The following SUGCT variants were observed in gnomAD, a reference collection of about 807,000 sequenced individuals.
SUGCT encodes the protein succinyl-CoA:glutarate-CoA transferase.
Under a neutral mutation model 55.0 loss-of-function variants are expected in SUGCT, and 41 were observed. The observed-to-expected ratio is 0.74, with a 90% confidence interval of 0.58 to 0.97. The LOEUF is 0.97. Among genes scored for constraint, SUGCT ranks in the 50% least tolerant of loss-of-function variants. The probability of loss-of-function intolerance (pLI) is 0.00; values close to 1 mark genes in which losing one functional copy is unlikely to be tolerated. For missense variants in SUGCT, 568 were observed against 547.8 expected (o/e 1.04, Z -0.37); for synonymous variants, 187 against 200.4 (o/e 0.93, Z 0.56).
chr7:40,721,795 C>T (rs568901135), intron 12 of SUGCT, among the ~76,000 whole-genome samples: 2 of 152,182 alleles, frequency 1.3e-5, no homozygotes, highest in Non-Finnish European at 2.9e-5. Flanking sequence ...AAAGTTTCTT[C>T]TATCTCTGTT....
At chr7:40,596,513 AC>A (rs977796272) in intron 12 of SUGCT, among the ~76,000 whole-genome samples, 1 of 152,180 alleles carries the variant, frequency 6.6e-6, no homozygotes, top group African/African-American at 2.4e-5. Flanking sequence ...CAAGTTGAAT[AC>A]CTAGGAAGTC....
chr7:40,237,625 G>A lies in SUGCT; in HGVS notation c.485-10G>A, dbSNP rs1789099992. On this transcript the variant is annotated splice_polypyrimidine_tract_variant and intron_variant, in intron 6 of 13. Transcript: ENST00000335693. ...TGTGGTGCTGAATATGTTTATTTTT[G>A]TTGTTTTAGGGTATGGTCAGACAGG... 1 of 1,611,996 alleles carries A rather than the reference G, an allele frequency of 6.2e-7. No individual in the cohort carries two copies. The highest frequency in any genetic ancestry group is 8.5e-7 in the Non-Finnish European group (1 of 1,178,194).
intron 1 of SUGCT, among the ~76,000 whole-genome samples, chr7:40,158,997 C>T (rs1175047547): frequency 1.3e-5 from 2 of 152,176 alleles, no homozygotes; most frequent in Non-Finnish European, 2.9e-5. Flanking sequence ...CTCATTGCAG[C>T]CTTGACCTCA....
At chr7:41,023,434 C>A in the SUGCT span, among the ~76,000 whole-genome samples, 1 of 151,528 alleles carries the variant, frequency 6.6e-6, no homozygotes, top group East Asian at 1.9e-4. Context: ...GACAAAATAA[C>A]CTTCAGGACA....
chr7:40,481,154 A>G (rs1395838363), intron 11 of SUGCT, among the ~76,000 whole-genome samples: 2 of 152,112 alleles, frequency 1.3e-5, no homozygotes, highest in African/African-American at 4.8e-5. Flanking sequence ...CCTAGGCAAC[A>G]TGACAAAACT....
intron 12 of SUGCT, among the ~76,000 whole-genome samples, chr7:40,628,814 C>T (rs1799647069): frequency 6.6e-6 from 1 of 152,006 alleles, no homozygotes; most frequent in Non-Finnish European, 1.5e-5. Flanking sequence ...AATCTCAGCT[C>T]ACTGCAACCT....
rs183680998 is a variant in SUGCT, at chr7:40,422,426, G to A, written c.817-26861G>A. Among the ~76,000 whole-genome samples, 3 of 152,158 alleles carry A rather than the reference G, an allele frequency of 2.0e-5. No homozygotes were observed. In the East Asian group the frequency reaches 5.8e-4, roughly 29 times the overall value. The stretch of plus-strand genomic sequence containing the variant: ...ATCTTGTATAAAAATTTTCTTGGTC[G>A]TTTTACAATTTGGCCAATGCCTTCT... On this transcript the variant is annotated intron_variant, in intron 9 of 13. Transcript: ENST00000335693.
At chr7:40,160,499 G>A (rs751681229) in intron 1 of SUGCT, among the ~76,000 whole-genome samples, 3 of 152,174 alleles carry the variant, frequency 2.0e-5, no homozygotes, top group African/African-American at 4.8e-5. Flanking sequence ...AAAGTGCTGG[G>A]ATTACAGGCG....
At chr7:40,577,652 G>T (rs2151703859) in intron 12 of SUGCT, among the ~76,000 whole-genome samples, 1 of 152,212 alleles carries the variant, frequency 6.6e-6, no homozygotes, top group South Asian at 2.1e-4. Flanking sequence ...CATCACAGGG[G>T]TCAGCCACAG....
At position 40,640,240 on chromosome 7, in the gene SUGCT, A is replaced by G. The variant is rs566323913; in HGVS notation, c.1090-109194A>G. ...TAAATATTTACACATGGCTTCCATA[A>G]GCATGATATATGTTTATACCTTTAG... is the stretch of plus-strand genomic sequence containing the variant. On this transcript the variant is annotated intron_variant, in intron 12 of 13. Coordinates refer to ENST00000335693, the MANE Select transcript of SUGCT (RefSeq NM_001193313.2). 3.3e-4 allele frequency among the ~76,000 whole-genome samples: 50 copies of G among 152,348 alleles called. 1 individual carries two copies. In the Middle Eastern group the frequency reaches 0.01, roughly 31 times the overall value.
intron 12 of SUGCT, among the ~76,000 whole-genome samples, chr7:40,687,563 G>A (rs1001806449): frequency 6.6e-6 from 1 of 152,108 alleles, no homozygotes; most frequent in African/African-American, 2.4e-5. Flanking sequence ...GTTCCTTTAT[G>A]AGGAGCTGAG....
chr7:40,880,896 TG>T, the SUGCT span, among the ~76,000 whole-genome samples: 2 of 152,194 alleles, frequency 1.3e-5, no homozygotes, highest in African/African-American at 4.8e-5. Context: ...GAGGATCCTC[TG>T]GGCAACAGCT....
At chr7:40,467,856 A>G (rs1032372034) in intron 11 of SUGCT, among the ~76,000 whole-genome samples, 3 of 152,164 alleles carry the variant, frequency 2.0e-5, no homozygotes, top group Admixed American at 2.0e-4. Flanking sequence ...TTGTAGGTGG[A>G]TAAATAATTT....
chr7:40,551,058 G>T (rs1429043475), intron 12 of SUGCT, among the ~76,000 whole-genome samples: 1 of 152,156 alleles, frequency 6.6e-6, no homozygotes, highest in Non-Finnish European at 1.5e-5. Context: ...GCAATGCCTT[G>T]TTGCTCGGAG....
intron 12 of SUGCT, among the ~76,000 whole-genome samples, chr7:40,638,560 C>T (rs574052366): frequency 2.6e-5 from 4 of 152,280 alleles, no homozygotes; most frequent in African/African-American, 9.6e-5. Flanking sequence ...AGGGTGCTGC[C>T]AGAAACATTC....
chr7:40,898,876 C>T, the SUGCT span, among the ~76,000 whole-genome samples: 2 of 151,986 alleles, frequency 1.3e-5, no homozygotes, highest in African/African-American at 2.4e-5. Flanking sequence ...GTTCCTAGAT[C>T]AGGGACAGTC....
chr7:40,143,411 T>G (rs1463231610), intron 1 of SUGCT, among the ~76,000 whole-genome samples: 1 of 152,184 alleles, frequency 6.6e-6, no homozygotes, highest in Non-Finnish European at 1.5e-5. Flanking sequence ...ATGCTGGACT[T>G]TGGGATATAG....
intron 9 of SUGCT, among the ~76,000 whole-genome samples, chr7:40,431,651 G>A (rs2151387796): frequency 6.6e-6 from 1 of 152,050 alleles, no homozygotes; most frequent in African/African-American, 2.4e-5. Context: ...TTCTTTCACT[G>A]CCTTTGTTAA....
chr7:40,786,300 C>T (rs1790010619), intron 13 of SUGCT, among the ~76,000 whole-genome samples: 1 of 152,050 alleles, frequency 6.6e-6, no homozygotes, highest in Admixed American at 6.6e-5. Context: ...TAAAGATGGC[C>T]ACTATTAACT....
Sources: allele counts gnomAD v4.1 joint callset (sites outside exome capture counted in the v4.1 genomes callset), GRCh38; gene constraint gnomAD v4.1.1; transcripts MANE v1.5; gene names NCBI Gene and HGNC (gene_info 2026-07-23, HGNC 2026-07-21).